The following MON1B variants were observed in gnomAD, a reference collection of about 807,000 sequenced individuals.
MON1B encodes the protein MON1 vesicular trafficking associated B.
In MON1B, 26 loss-of-function variants were observed where a neutral mutation model predicts 45.1. The ratio of observed to expected loss-of-function variants is 0.58; its 90% confidence interval spans 0.42 to 0.80. The LOEUF is 0.80. Among genes scored for constraint, MON1B ranks in the 30% least tolerant of loss-of-function variants. The pLI is 0.00. For synonymous variants in MON1B, 395 were observed against 320.2 expected (o/e 1.23, Z -2.49); for missense variants, 737 against 754.5 (o/e 0.98, Z 0.27).
Position 77,199,242 on chromosome 16 carries a change from G to T in MON1B, c.*934G>T. 1 of 572,426 alleles carries T rather than the reference G, an allele frequency of 1.7e-6. No individual in the cohort carries two copies. The highest frequency in any genetic ancestry group is 3.0e-5 in the East Asian group (1 of 33,762). 35.5% of individuals were successfully genotyped at this position (572,426 alleles called of 1,614,324 possible). A position where few individuals can be genotyped will look rare whatever the true frequency, so the allele number is the denominator to read the frequency against. On this transcript the variant is annotated 3_prime_UTR_variant, in exon 6 of 6. Transcript: ENST00000248248. ...TGGCCATTACCCTAGTTCTGCCCTT[G>T]TTTGTGGAGTTACAGCCTCAAGGTT... is the stretch of plus-strand genomic sequence containing the variant.
chr16:77,201,244 A>G lies in MON1B; in HGVS notation c.*2936A>G, dbSNP rs2054739240. 1 of 152,238 alleles carries G rather than the reference A, an allele frequency of 6.6e-6. No homozygotes were observed. The highest frequency in any genetic ancestry group is 2.1e-4 in the South Asian group (1 of 4,834). The allele number at this position is 152,238 out of a possible 1,614,324, so 9.4% of individuals were successfully genotyped here. ...ACATACTAAGTGCCAGCATTCAACA[A>G]AAGACAGACGGAAATAAGACAGATG... On this transcript the variant is annotated 3_prime_UTR_variant, in exon 6 of 6. Transcript: ENST00000248248.
intron 4 of MON1B, 44 bp from the exon 5 acceptor site, chr16:77,195,491 G>C: frequency 6.4e-7 from 1 of 1,570,202 alleles, no homozygotes; most frequent in Non-Finnish European, 8.7e-7. Context: ...CAGCCAAGAA[G>C]GCCCTGGACT....
Position 77,199,463 on chromosome 16 carries a change from G to C in MON1B, c.*1155G>C, listed in dbSNP as rs2054705521. ...CCCCGCGTTGGAAAATGGCGGGGAA[G>C]CTGAAACCTCTGAATGTGGAGGCGC... is the stretch of plus-strand genomic sequence containing the variant. On this transcript the variant is annotated 3_prime_UTR_variant, in exon 6 of 6. Transcript: ENST00000248248. 1 of 1,551,374 alleles carries C rather than the reference G, an allele frequency of 6.4e-7. No individual in the cohort carries two copies. Among genetic ancestry groups the C allele is most frequent in the Admixed American group, 2.0e-5 (1 of 50,990 alleles).
chr16:77,192,053 C>G (rs894760545), intron 2 of MON1B, among the ~76,000 whole-genome samples: 1 of 152,068 alleles, frequency 6.6e-6, no homozygotes, highest in Non-Finnish European at 1.5e-5. Context: ...CAGTGGAGTT[C>G]GATGGGCACT....
Position 77,195,553 on chromosome 16 carries a change from C to CT in MON1B, c.1315dup (p.Tyr439LeufsTer36). 1 of 1,613,850 alleles carries CT rather than the reference C, an allele frequency of 6.2e-7. No homozygotes were observed. Among genetic ancestry groups the CT allele is most frequent in the Non-Finnish European group, 8.5e-7 (1 of 1,179,874 alleles). The stretch of plus-strand genomic sequence containing the variant: ...ATGGCAGCCCTGAGCTAGAGGCCCC[C>CT]TACAGCAGAGAGGAGGAGCGGCAGC... On this transcript the variant is annotated frameshift_variant, in exon 5 of 6. Coordinates refer to ENST00000248248, the MANE Select transcript of MON1B (RefSeq NM_014940.4). LOFTEE classifies it high-confidence loss of function.
At chr16:77,197,979 C>T (rs149443324) in intron 5 of MON1B, 129 bp from the exon 6 acceptor site, 3 of 899,428 alleles carry the variant, frequency 3.3e-6, no homozygotes, top group Admixed American at 2.1e-5. Context: ...CTAGGCAGCA[C>T]CTGGTAGGAG....
chr16:77,193,608 T>G lies in MON1B; in HGVS notation c.306T>G (p.Asp102Glu). Residue 102 changes from aspartate to glutamate, a missense_variant, in exon 3 of 6, where the codon GAT becomes GAG. Transcript: ENST00000248248. The surrounding 1 kb of genome is among the most constrained non-coding windows in gnomAD (Gnocchi z 5.0). ...SSGGQGGDPS[D>E]EEWRSQRKHV... ...GAGGCCAGGGCGGGGACCCCAGTGA[T>G]GAGGAGTGGCGCAGCCAGCGGAAGC... 1 of 1,614,090 alleles carries G rather than the reference T, an allele frequency of 6.2e-7. No individual in the cohort carries two copies. Among genetic ancestry groups the G allele is most frequent in the Non-Finnish European group, 8.5e-7 (1 of 1,179,962 alleles).
rs760007543 is a variant in MON1B, at chr16:77,195,072, G to A, written c.1213G>A (p.Val405Ile). The A allele has an allele frequency of 3.1e-6, 5 of 1,607,214 alleles. No homozygotes were observed. Among genetic ancestry groups the A allele is most frequent in the East Asian group, 4.5e-5 (2 of 44,834 alleles). Residue 405 changes from valine to isoleucine, a missense_variant, in exon 4 of 6, where the codon GTC becomes ATC. By Grantham distance (29) the Val-to-Ile change is conservative. Coordinates refer to ENST00000248248, the MANE Select transcript of MON1B (RefSeq NM_014940.4). ...ASAPAYSVQA[V>I]GAPGLRHFLY... ...TGCTCCTGCCTACAGCGTGCAGGCT[G>A]TCGGGGCGCCGGGCCTCCGGCACTT...
rs1333372888 is a variant in MON1B at position 77,202,055 on chromosome 16, A to AT, written c.*3753dup. The AT allele has an allele frequency of 7.9e-5, 12 of 152,152 alleles. No individual in the cohort carries two copies. The highest frequency in any genetic ancestry group is 3.3e-4 in the Admixed American group (5 of 15,272). The allele number at this position is 152,152 out of a possible 1,614,324, so 9.4% of individuals were successfully genotyped here. A position where few individuals can be genotyped will look rare whatever the true frequency, so the allele number is the denominator to read the frequency against. The stretch of plus-strand genomic sequence containing the variant: ...AGGCATTTTTGTGATTTATTGTTCT[A>AT]TTTTTTCTTCTAGAAAAATGTAAGT... On this transcript the variant is annotated 3_prime_UTR_variant, in exon 6 of 6. Coordinates refer to ENST00000248248, the MANE Select transcript of MON1B (RefSeq NM_014940.4).
Position 77,194,136 on chromosome 16 carries a change from C to T in MON1B, c.476-199C>T, listed in dbSNP as rs1167178503. On this transcript the variant is annotated intron_variant, in intron 3 of 5. Coordinates refer to ENST00000248248, the MANE Select transcript of MON1B (RefSeq NM_014940.4). This position sits in a 1 kb window ranked among gnomAD's most constrained non-coding sequence, Gnocchi z 8.1. Reference sequence around the variant, plus strand: ...TGCTGTGTATCTAACCTACTTGTTCCTTTGTCCATCCCATCATGTCTCTGC... The same window carrying T: ...TGCTGTGTATCTAACCTACTTGTTCTTTTGTCCATCCCATCATGTCTCTGC... 3 of 663,148 alleles carry T rather than the reference C, an allele frequency of 4.5e-6. No individual in the cohort carries two copies. In the African/African-American group the frequency reaches 5.4e-5, roughly 12 times the overall value. 41.1% of individuals were successfully genotyped at this position (663,148 alleles called of 1,614,324 possible).
At position 77,199,441 on chromosome 16, in the gene MON1B, C is replaced by T. The variant is rs8398; in HGVS notation, c.*1133C>T. 467,165 of 1,550,518 alleles carry T rather than the reference C, an allele frequency of 0.3. 71,995 individuals are homozygous for T. Among genetic ancestry groups the T allele is most frequent in the Admixed American group, 0.46 (23,394 of 50,986 alleles). ...TCAAGCGAGGCTCGCGCGCAGGCCC[C>T]GCGTTGGAAAATGGCGGGGAAGCTG... On this transcript the variant is annotated 3_prime_UTR_variant, in exon 6 of 6. Transcript: ENST00000248248.
chr16:77,193,645 C>G lies in MON1B; in HGVS notation c.343C>G (p.Leu115Val). The change falls in exon 3 of 6, where the codon CTG (leucine) becomes GTG (valine). Residue 115 changes from leucine to valine, a missense_variant. Transcript: ENST00000248248. The surrounding 1 kb of genome is among the most constrained non-coding windows in gnomAD (Gnocchi z 5.0). ...CAGCCAGCGGAAGCATGTGTTTGTG[C>G]TGAGTGAGGCTGGCAAGCCCATCTA... ...WRSQRKHVFV[L>V]SEAGKPIYSR... The G allele has an allele frequency of 6.2e-7, 1 of 1,614,116 alleles. No homozygotes were observed. The highest frequency in any genetic ancestry group is 8.5e-7 in the Non-Finnish European group (1 of 1,179,988).
rs1198279734 is a variant in MON1B at position 77,194,741 on chromosome 16, G to A, written c.882G>A (p.Leu294=). ...LITAAQERNV[L]AECRLDPADL... The stretch of plus-strand genomic sequence containing the variant: ...CAGCAGCCCAGGAGCGAAATGTGCT[G>A]GCCGAGTGCCGGCTGGACCCAGCTG... Residue 294 remains leucine (L), a synonymous_variant, in exon 4 of 6, where the codon CTG becomes CTA. Transcript: ENST00000248248. This position sits in a 1 kb window ranked among gnomAD's most constrained non-coding sequence, Gnocchi z 8.1. 2 of 1,613,724 alleles carry A rather than the reference G, an allele frequency of 1.2e-6. No individual in the cohort carries two copies. Among genetic ancestry groups the A allele is most frequent in the Middle Eastern group, 1.6e-4 (1 of 6,080 alleles).
At position 77,194,862 on chromosome 16, in the gene MON1B, T is replaced by A; in HGVS notation, c.1003T>A (p.Phe335Ile). The stretch of plus-strand genomic sequence containing the variant: ...CCTGCCCCGCTTCAACCCTGATGGT[T>A]TTTTCTACGCCTACGTGGCCCGCCT... Reference protein sequence around the residue: ...VCLPRFNPDGFFYAYVARLDA... With the variant: ...VCLPRFNPDGIFYAYVARLDA... Residue 335 changes from phenylalanine to isoleucine, a missense_variant, in exon 4 of 6, where the codon TTT becomes ATT. Coordinates refer to ENST00000248248, the MANE Select transcript of MON1B (RefSeq NM_014940.4). This position sits in a 1 kb window ranked among gnomAD's most constrained non-coding sequence, Gnocchi z 8.1. The A allele has an allele frequency of 6.2e-7, 1 of 1,611,510 alleles. No individual in the cohort carries two copies. Among genetic ancestry groups the A allele is most frequent in the Non-Finnish European group, 8.5e-7 (1 of 1,179,986 alleles).
rs560670791 is a variant in MON1B, at chr16:77,197,981, T to C, written c.1444-127T>C. 2.8e-4 allele frequency: 256 copies of C among 911,588 alleles called. 1 individual carries two copies. In the African/African-American group the frequency reaches 3.9e-3, roughly 14 times the overall value. 56.5% of individuals were successfully genotyped at this position (911,588 alleles called of 1,614,324 possible). ...CTTAGCCCAGTATCTAGGCAGCACC[T>C]GGTAGGAGGTGCTGCCAGGTACATG... On this transcript the variant is annotated intron_variant, in intron 5 of 5. Coordinates refer to ENST00000248248, the MANE Select transcript of MON1B (RefSeq NM_014940.4).
At chr16:77,196,077 C>T (rs578248356) in intron 5 of MON1B, among the ~76,000 whole-genome samples, 56 of 152,284 alleles carry the variant, frequency 3.7e-4, no homozygotes, top group African/African-American at 1.3e-3. Flanking sequence ...AGACTACAGG[C>T]GTGGTCCCTT....
Position 77,194,212 on chromosome 16 carries a change from G to C in MON1B, c.476-123G>C. 2.3e-6 allele frequency: 2 copies of C among 879,836 alleles called. No homozygotes were observed. Among genetic ancestry groups the C allele is most frequent in the South Asian group, 2.7e-5 (2 of 74,220 alleles). The allele number at this position is 879,836 out of a possible 1,614,324, so 54.5% of individuals were successfully genotyped here. A position where few individuals can be genotyped will look rare whatever the true frequency, so the allele number is the denominator to read the frequency against. ...CCTTACCCCAGTCCAGGTGCCCACA[G>C]AGTGAGCATGTGGACTCGGGCCTGG... is the stretch of plus-strand genomic sequence containing the variant. On this transcript the variant is annotated intron_variant, in intron 3 of 5. Transcript: ENST00000248248. This position sits in a 1 kb window ranked among gnomAD's most constrained non-coding sequence, Gnocchi z 8.1.
intron 5 of MON1B, 56 bp from the exon 6 acceptor site, chr16:77,198,052 G>T: frequency 6.4e-7 from 1 of 1,554,548 alleles, no homozygotes. Context: ...GGGGTAGGCA[G>T]GATTGTCCAT....
chr16:77,194,707 G>A lies in MON1B; in HGVS notation c.848G>A (p.Arg283Gln), dbSNP rs748274392. ...CTGTCAGTGCTGGCAGTAGGCGGTCGACTTATAACAGCAGCCCAGGAGCGA... is the reference window on the plus strand; with the variant it reads ...CTGTCAGTGCTGGCAGTAGGCGGTCAACTTATAACAGCAGCCCAGGAGCGA... Reference protein sequence around the residue: ...LALSVLAVGGRLITAAQERNV... With the variant: ...LALSVLAVGGQLITAAQERNV... The change falls in exon 4 of 6, where the codon CGA (arginine) becomes CAA (glutamine). Residue 283 changes from arginine to glutamine, a missense_variant. Coordinates refer to ENST00000248248, the MANE Select transcript of MON1B (RefSeq NM_014940.4). This position sits in a 1 kb window ranked among gnomAD's most constrained non-coding sequence, Gnocchi z 8.1. The A allele has an allele frequency of 2.3e-5, 37 of 1,613,724 alleles. No individual in the cohort carries two copies. Among genetic ancestry groups the A allele is most frequent in the South Asian group, 5.5e-5 (5 of 91,072 alleles).
Sources: allele counts gnomAD v4.1 joint callset (sites outside exome capture counted in the v4.1 genomes callset), GRCh38; gene constraint gnomAD v4.1.1; non-coding constraint Gnocchi (gnomAD v3.1); transcripts MANE v1.5; gene names NCBI Gene and HGNC (gene_info 2026-07-23, HGNC 2026-07-21).